The following SCD5 variants were observed in gnomAD, a reference collection of about 807,000 sequenced individuals.
The protein encoded by SCD5 is acyl-CoA-desaturase 4.
Under a neutral mutation model 30.4 loss-of-function variants are expected in SCD5, and 20 were observed. The ratio of observed to expected loss-of-function variants is 0.66; its 90% CI spans 0.46 to 0.96. The LOEUF (loss-of-function observed/expected upper bound fraction) is 0.96. Among genes scored for constraint, SCD5 ranks in the 40% least tolerant of loss-of-function variants. The pLI is 0.00. For missense variants in SCD5, 381 were observed against 443.3 expected (o/e 0.86, Z 1.26); for synonymous variants, 173 against 176.4 (o/e 0.98, Z 0.16).
intron 3 of SCD5, among the ~76,000 whole-genome samples, chr4:82,662,309 T>A (rs141031547): frequency 9.0e-4 from 137 of 152,142 alleles, no homozygotes; most frequent in African/African-American, 3.0e-3. Context: ...CACCTCAGCC[T>A]CCAAAAGTGC....
intron 1 of SCD5, among the ~76,000 whole-genome samples, chr4:82,767,847 CA>C (rs1721526595): frequency 6.6e-6 from 1 of 152,274 alleles, no homozygotes; most frequent in Admixed American, 6.5e-5. Context: ...ACACTTTGAT[CA>C]GGCTGACAAG....
rs143145714 is a variant in SCD5, at chr4:82,697,237, C to T, written c.363+8046G>A. The stretch of plus-strand genomic sequence containing the variant: ...AGTGTCTTTCTTCCAATACAGATGC[C>T]GGGCTAAATTAACATAAAATCTGAT... On this transcript the variant is annotated intron_variant, in intron 2 of 4. Transcript: ENST00000319540. 2.5e-3 allele frequency among the ~76,000 whole-genome samples: 380 copies of T among 152,258 alleles called. 3 individuals are homozygous for T. Among genetic ancestry groups the T allele is most frequent in the African/African-American group, 8.8e-3 (364 of 41,544 alleles).
At chr4:82,790,535 C>T (rs1670328402) in intron 1 of SCD5, among the ~76,000 whole-genome samples, 1 of 152,144 alleles carries the variant, frequency 6.6e-6, no homozygotes, top group Admixed American at 6.5e-5. Context: ...TCCTGCCATG[C>T]TCCACTTGGC....
chr4:82,664,076 G>A (rs545927457), intron 3 of SCD5, among the ~76,000 whole-genome samples: 25 of 152,270 alleles, frequency 1.6e-4, no homozygotes, highest in African/African-American at 5.3e-4. Context: ...CCTTTGTGTA[G>A]GAGCAAGAGC....
chr4:82,777,157 A>G (rs1578064249), intron 1 of SCD5, among the ~76,000 whole-genome samples: 1 of 152,172 alleles, frequency 6.6e-6, no homozygotes, highest in Non-Finnish European at 1.5e-5. Flanking sequence ...GCCCCATGAC[A>G]TCACATTGGG....
chr4:82,727,733 G>A (rs751316014), intron 1 of SCD5, among the ~76,000 whole-genome samples: 2 of 152,118 alleles, frequency 1.3e-5, no homozygotes, highest in Non-Finnish European at 2.9e-5. Flanking sequence ...TTGAGACAGT[G>A]TCTCACTCTG....
At chr4:82,649,016 TA>T (rs1157664470) in intron 3 of SCD5, among the ~76,000 whole-genome samples, 2 of 152,218 alleles carry the variant, frequency 1.3e-5, no homozygotes, top group African/African-American at 4.8e-5. Context: ...TTTGTTTATT[TA>T]CAGGTCCTTG....
At chr4:82,646,835 C>T (rs1458472051) in intron 3 of SCD5, among the ~76,000 whole-genome samples, 1 of 152,160 alleles carries the variant, frequency 6.6e-6, no homozygotes, top group African/African-American at 2.4e-5. Flanking sequence ...CTTTTTTCCC[C>T]CTTTTGAGAC....
At chr4:82,730,100 G>C (rs1313779457) in intron 1 of SCD5, among the ~76,000 whole-genome samples, 1 of 151,626 alleles carries the variant, frequency 6.6e-6, no homozygotes, top group Non-Finnish European at 1.5e-5. Flanking sequence ...TAATAAACTT[G>C]TTTATGTTTC....
At chr4:82,668,782 T>C (rs1337629056) in intron 3 of SCD5, among the ~76,000 whole-genome samples, 1 of 152,188 alleles carries the variant, frequency 6.6e-6, no homozygotes, top group African/African-American at 2.4e-5. Flanking sequence ...AATTGAGTAG[T>C]AAGGGAGTGG....
Position 82,629,765 on chromosome 4 carries a change from C to T in SCD5, c.*1562G>A, listed in dbSNP as rs1396539489. 3 of 152,196 alleles carry T rather than the reference C, an allele frequency of 2.0e-5. No individual in the cohort carries two copies. Among genetic ancestry groups the T allele is most frequent in the Non-Finnish European group, 2.9e-5 (2 of 68,038 alleles). 9.4% of individuals were successfully genotyped at this position (152,196 alleles called of 1,614,324 possible). ...AACACTATAAGCCCTTTCTTTTGCT[C>T]TAACATCTAACACAAAGGGCACACT... is the stretch of plus-strand genomic sequence containing the variant. On this transcript the variant is annotated 3_prime_UTR_variant, in exon 5 of 5. Coordinates refer to ENST00000319540, the MANE Select transcript of SCD5 (RefSeq NM_001037582.3).
intron 3 of SCD5, among the ~76,000 whole-genome samples, chr4:82,639,420 C>T (rs1227167049): frequency 2.0e-5 from 3 of 152,168 alleles, no homozygotes; most frequent in Non-Finnish European, 2.9e-5. Flanking sequence ...TCAGTGGATC[C>T]GATGGGGCGT....
At chr4:82,742,159 T>C (rs1296740361) in intron 1 of SCD5, among the ~76,000 whole-genome samples, 1 of 151,860 alleles carries the variant, frequency 6.6e-6, no homozygotes, top group Non-Finnish European at 1.5e-5. Flanking sequence ...TGTGGACCAC[T>C]TGGGGAGCTT....
intron 1 of SCD5, among the ~76,000 whole-genome samples, chr4:82,783,570 C>T (rs958463756): frequency 6.6e-6 from 1 of 151,842 alleles, no homozygotes; most frequent in South Asian, 2.1e-4. Context: ...TTTGGGAGGC[C>T]GAGGTGGGCG....
intron 2 of SCD5, among the ~76,000 whole-genome samples, chr4:82,699,692 T>C (rs555600979): frequency 6.6e-6 from 1 of 150,686 alleles, no homozygotes; most frequent in East Asian, 2.0e-4. Flanking sequence ...AGATGGAGTC[T>C]CCCACTGTCA....
intron 3 of SCD5, among the ~76,000 whole-genome samples, chr4:82,676,443 T>C (rs1022437532): frequency 5.9e-5 from 9 of 152,214 alleles, no homozygotes; most frequent in African/African-American, 2.2e-4. Context: ...GGTTCACCCC[T>C]TTTCCTTTTC....
chr4:82,752,370 A>G (rs577810195), intron 1 of SCD5, among the ~76,000 whole-genome samples: 15 of 152,046 alleles, frequency 9.9e-5, no homozygotes, highest in African/African-American at 3.6e-4. Flanking sequence ...GGACGTGGGA[A>G]TAGGTGGGAA....
chr4:82,789,548 C>T (rs1722057395), intron 1 of SCD5, among the ~76,000 whole-genome samples: 1 of 152,184 alleles, frequency 6.6e-6, no homozygotes, highest in African/African-American at 2.4e-5. Context: ...GAGGACCACA[C>T]TTTGAGTAGC....
chr4:82,755,563 A>G (rs1364456123), intron 1 of SCD5, among the ~76,000 whole-genome samples: 1 of 152,108 alleles, frequency 6.6e-6, no homozygotes, highest in Non-Finnish European at 1.5e-5. Context: ...TTAAATTTGC[A>G]TATTTCAGTA....
Sources: allele counts gnomAD v4.1 joint callset (sites outside exome capture counted in the v4.1 genomes callset), GRCh38; gene constraint gnomAD v4.1.1; transcripts MANE v1.5; gene names NCBI Gene and HGNC (gene_info 2026-07-23, HGNC 2026-07-21).